ANKRD46: variants seen among roughly 807,000 people sequenced by gnomAD.
ANKRD46 encodes ankyrin repeat domain 46.
A neutral mutation model predicts 19.8 loss-of-function variants in ANKRD46; 13 were observed. The observed-to-expected ratio is 0.66, with a 90% CI of 0.43 to 1.04. ANKRD46 has a LOEUF of 1.04. Among genes scored for constraint, ANKRD46 ranks in the 50% least tolerant of loss-of-function variants. The pLI, the probability that ANKRD46 is intolerant of heterozygous loss-of-function variation, is 0.00. For synonymous variants in ANKRD46, 91 were observed against 106.9 expected, an observed-to-expected ratio of 0.85 and a Z score of 0.92; for missense variants, 185 against 274.8, an observed-to-expected ratio of 0.67 and a Z score of 2.31.
intron 1 of ANKRD46, among the ~76,000 whole-genome samples, chr8:100,542,374 A>G (rs1263679702): frequency 6.6e-6 from 1 of 152,154 alleles, no homozygotes; most frequent in Admixed American, 6.5e-5. Flanking sequence ...GTCAAACTGT[A>G]TTTTTAAAAT....
At chr8:100,514,900 A>G (rs577919768) in intron 5 of ANKRD46, among the ~76,000 whole-genome samples, 4 of 152,220 alleles carry the variant, frequency 2.6e-5, no homozygotes, top group African/African-American at 9.6e-5. Flanking sequence ...TTGGCCTCCC[A>G]AAGTGCTGGG....
chr8:100,529,865 A>C lies in ANKRD46; in HGVS notation c.-27-5T>G. Reference sequence around the variant, plus strand: ...GATGTGGTGGATGGAACACGCCTGTAATGAAATAGGTGAGTGAGATTCCAT... The same window carrying C: ...GATGTGGTGGATGGAACACGCCTGTCATGAAATAGGTGAGTGAGATTCCAT... On this transcript the variant is annotated splice_region_variant and splice_polypyrimidine_tract_variant and intron_variant, in intron 2 of 4. Coordinates refer to ENST00000335659, the MANE Select transcript of ANKRD46 (RefSeq NM_001270377.2). This position sits in a 1 kb window ranked among gnomAD's most constrained non-coding sequence, Gnocchi z 5.8. The C allele has an allele frequency of 6.3e-7, 1 of 1,593,136 alleles. No individual in the cohort carries two copies. The highest frequency in any genetic ancestry group is 8.6e-7 in the Non-Finnish European group (1 of 1,164,466).
rs537615057 is a variant in ANKRD46 at position 100,550,490 on chromosome 8, T to C, written c.-131+9221A>G. 223 of 155,586 alleles carry C rather than the reference T, an allele frequency of 1.4e-3. No homozygotes were observed. Among genetic ancestry groups the C allele is most frequent in the Non-Finnish European group, 2.6e-3 (186 of 70,644 alleles). The allele number at this position is 155,586 out of a possible 1,614,324, so 9.6% of individuals were successfully genotyped here. A position where few individuals can be genotyped will look rare whatever the true frequency, so the allele number is the denominator to read the frequency against. The stretch of plus-strand genomic sequence containing the variant: ...TGTGATGAGGTGTCCATTAAGATCT[T>C]TGGCTCATTTTTAAAATCAGGTTGT... On this transcript the variant is annotated intron_variant, in intron 1 of 4. Transcript: ENST00000335659. This position sits in a 1 kb window ranked among gnomAD's most constrained non-coding sequence, Gnocchi z 4.4.
chr8:100,535,002 G>A (rs539352492), intron 1 of ANKRD46, among the ~76,000 whole-genome samples: 20 of 152,290 alleles, frequency 1.3e-4, no homozygotes, highest in African/African-American at 4.8e-4. Flanking sequence ...CCTGACCTCA[G>A]GTGATCCACC....
At position 100,527,709 on chromosome 8, in the gene ANKRD46, G is replaced by T; in HGVS notation, c.470+136C>A. On this transcript the variant is annotated intron_variant, in intron 4 of 4. Coordinates refer to ENST00000335659, the MANE Select transcript of ANKRD46 (RefSeq NM_001270377.2). The surrounding 1 kb of genome is among the most constrained non-coding windows in gnomAD (Gnocchi z 4.0). The stretch of plus-strand genomic sequence containing the variant: ...AAAGTGACTTTCCCCTTAAAAAATC[G>T]TATTATCTTGCTGGGTGTGGCTACA... The T allele has an allele frequency of 1.2e-6, 1 of 815,864 alleles. No homozygotes were observed. Among genetic ancestry groups the T allele is most frequent in the South Asian group, 3.0e-5 (1 of 33,040 alleles). The allele number at this position is 815,864 out of a possible 1,614,324, so 50.5% of individuals were successfully genotyped here.
chr8:100,529,878 A>G lies in ANKRD46; in HGVS notation c.-27-18T>C. On this transcript the variant is annotated intron_variant, in intron 2 of 4. Transcript: ENST00000335659. The surrounding 1 kb of genome is among the most constrained non-coding windows in gnomAD (Gnocchi z 5.8). ...GAACACGCCTGTAATGAAATAGGTG[A>G]GTGAGATTCCATGAAGACAAATGAA... is the stretch of plus-strand genomic sequence containing the variant. 6.4e-7 allele frequency: 1 copy of G among 1,560,044 alleles called. No individual in the cohort carries two copies. Among genetic ancestry groups the G allele is most frequent in the Non-Finnish European group, 8.8e-7 (1 of 1,142,842 alleles).
At chr8:100,515,876 T>G (rs1352074011), downstream of ANKRD46, among the ~76,000 whole-genome samples, 4 of 148,156 alleles carry the variant, frequency 2.7e-5, no homozygotes, top group Non-Finnish European at 6.1e-5. Flanking sequence ...TTGTTTTTGT[T>G]TTTTTTTTTT....
intron 4 of ANKRD46, among the ~76,000 whole-genome samples, chr8:100,526,159 G>A (rs1365526547): frequency 6.6e-6 from 1 of 152,168 alleles, no homozygotes; most frequent in Non-Finnish European, 1.5e-5. Flanking sequence ...GCAGTGAAAT[G>A]GCAGGTATGT....
chr8:100,538,877 G>T (rs1303943658), intron 1 of ANKRD46, among the ~76,000 whole-genome samples: 1 of 152,020 alleles, frequency 6.6e-6, no homozygotes, highest in Admixed American at 6.6e-5. Flanking sequence ...AAAGAAACTG[G>T]ATACTAAGGG....
intron 3 of ANKRD46, 62 bp from the exon 4 acceptor site, chr8:100,528,065 T>C: frequency 7.0e-7 from 1 of 1,423,444 alleles, no homozygotes; most frequent in Non-Finnish European, 9.2e-7. Context: ...GCAGTTATAC[T>C]ACATTGTCAG....
intron 2 of ANKRD46, among the ~76,000 whole-genome samples, chr8:100,531,063 G>A (rs929416160): frequency 1.1e-4 from 16 of 152,130 alleles, no homozygotes; most frequent in Admixed American, 1.0e-3. Flanking sequence ...TGAACTCTCA[G>A]GACATTTTGC....
Position 100,529,404 on chromosome 8 carries a change from T to G in ANKRD46, c.311+119A>C. Reference sequence around the variant, plus strand: ...ACAGGATTACACTGTCTTCAATGCTTTCTGAACTTATTTCAACTGATTAAT... The same window carrying G: ...ACAGGATTACACTGTCTTCAATGCTGTCTGAACTTATTTCAACTGATTAAT... On this transcript the variant is annotated intron_variant, in intron 3 of 4. Coordinates refer to ENST00000335659, the MANE Select transcript of ANKRD46 (RefSeq NM_001270377.2). This position sits in a 1 kb window ranked among gnomAD's most constrained non-coding sequence, Gnocchi z 5.8. The G allele has an allele frequency of 9.2e-7, 1 of 1,092,026 alleles. No individual in the cohort carries two copies. The highest frequency in any genetic ancestry group is 1.6e-5 in the South Asian group (1 of 61,416). 67.6% of individuals were successfully genotyped at this position (1,092,026 alleles called of 1,614,324 possible).
rs1467272125 is a variant in ANKRD46, at chr8:100,550,511, G to A, written c.-131+9200C>T. ...ATCTTTGGCTCATTTTTAAAATCAG[G>A]TTGTTCATTTTCTATCTTTTTTTTT... is the stretch of plus-strand genomic sequence containing the variant. On this transcript the variant is annotated intron_variant, in intron 1 of 4. Transcript: ENST00000335659. This position sits in a 1 kb window ranked among gnomAD's most constrained non-coding sequence, Gnocchi z 4.4. 1.4e-5 allele frequency: 2 copies of A among 147,602 alleles called. No homozygotes were observed. The highest frequency in any genetic ancestry group is 2.9e-5 in the Non-Finnish European group (2 of 68,988). 9.1% of individuals were successfully genotyped at this position (147,602 alleles called of 1,614,324 possible).
In ANKRD46 at chr8:100,529,175, G is replaced by C. The variant is rs1020388326; in HGVS notation, c.311+348C>G. Among the ~76,000 whole-genome samples, 1 of 152,108 alleles carries C rather than the reference G, an allele frequency of 6.6e-6. No individual in the cohort carries two copies. Among genetic ancestry groups the C allele is most frequent in the Non-Finnish European group, 1.5e-5 (1 of 68,008 alleles). On this transcript the variant is annotated intron_variant, in intron 3 of 4. Transcript: ENST00000335659. This position sits in a 1 kb window ranked among gnomAD's most constrained non-coding sequence, Gnocchi z 5.8. ...TCTGTAAAATGAAAACACCTATTGT[G>C]AGAGCTCTTCATTCTGAGGACTAAA...
At chr8:100,555,518 TAGA>T (rs1563494565) in intron 1 of ANKRD46, among the ~76,000 whole-genome samples, 1 of 148,396 alleles carries the variant, frequency 6.7e-6, no homozygotes, top group East Asian at 2.0e-4. Context: ...AAAAACACAA[TAGA>T]AATTTAAAAT....
intron 1 of ANKRD46, chr8:100,556,440 A>G (rs1428604378): frequency 6.6e-6 from 1 of 152,204 alleles, no homozygotes; most frequent in East Asian, 1.9e-4. Flanking sequence ...TTTTATTTCC[A>G]CCAGTCATTG....
At chr8:100,551,101 A>G (rs1005978063) in intron 1 of ANKRD46, 3 of 501,914 alleles carry the variant, frequency 6.0e-6, no homozygotes, top group Admixed American at 2.2e-5. Context: ...AGATGCAGGG[A>G]TGATGTTCTG....
intron 1 of ANKRD46, among the ~76,000 whole-genome samples, chr8:100,554,148 T>C (rs146406709): frequency 5.3e-5 from 8 of 152,344 alleles, no homozygotes; most frequent in Non-Finnish European, 7.3e-5. Flanking sequence ...TAAAATCAAA[T>C]TGGTGTATAT....
In ANKRD46 at chr8:100,524,713, T is replaced by G. The variant is rs1811804767; in HGVS notation, c.471-1942A>C. Among the ~76,000 whole-genome samples the G allele has an allele frequency of 6.6e-6, 1 of 152,112 alleles. No homozygotes were observed. Among genetic ancestry groups the G allele is most frequent in the South Asian group, 2.1e-4 (1 of 4,820 alleles). ...GTTTGACCTATGTAAAATTTATTGA[T>G]TACGAGTTGACATGCCCTTATACAT... On this transcript the variant is annotated intron_variant, in intron 4 of 4. Transcript: ENST00000335659. This position sits in a 1 kb window ranked among gnomAD's most constrained non-coding sequence, Gnocchi z 4.3.
Sources: allele counts gnomAD v4.1 joint callset (sites outside exome capture counted in the v4.1 genomes callset), GRCh38; gene constraint gnomAD v4.1.1; non-coding constraint Gnocchi (gnomAD v3.1); transcripts MANE v1.5; gene names NCBI Gene and HGNC (gene_info 2026-07-23, HGNC 2026-07-21).